ADAMTS12: variants seen among roughly 807,000 people sequenced by gnomAD.
ADAMTS12 encodes the protein A disintegrin and metalloproteinase with thrombospondin motifs 12.
Under a neutral mutation model 167.8 loss-of-function variants are expected in ADAMTS12, and 118 were observed. The ratio of observed to expected loss-of-function variants is 0.70; its 90% confidence interval spans 0.61 to 0.82. The LOEUF (loss-of-function observed/expected upper bound fraction) is 0.82, where lower values mean the gene tolerates loss of function less well. Among genes scored for constraint, ADAMTS12 ranks in the 40% least tolerant of loss-of-function variants. ADAMTS12 has a pLI of 0.00. For synonymous variants in ADAMTS12, 704 were observed against 716.9 expected (o/e 0.98, Z 0.29); for missense variants, 1,916 against 1,998.8 (o/e 0.96, Z 0.79).
At chr5:33,570,218 A>G (rs555428206) in intron 19 of ADAMTS12, among the ~76,000 whole-genome samples, 2 of 152,340 alleles carry the variant, frequency 1.3e-5, no homozygotes, top group African/African-American at 4.8e-5. Context: ...AAGGCAGGCC[A>G]ACAATCAGAT....
chr5:33,672,191 TCACATACACACACACCCC>T (rs1387618644), intron 5 of ADAMTS12, among the ~76,000 whole-genome samples: 1 of 127,812 alleles, frequency 7.8e-6, no homozygotes, highest in East Asian at 2.4e-4. Context: ...ATCCACATAC[TCACATACACACACACCCC>T]CACATACATA....
intron 2 of ADAMTS12, among the ~76,000 whole-genome samples, chr5:33,804,997 A>C (rs1747167372): frequency 6.6e-6 from 1 of 152,228 alleles, no homozygotes; most frequent in Admixed American, 6.5e-5. Context: ...ACAAACAAAC[A>C]ATGTCTGACT....
At chr5:33,647,158 A>C (rs1472149164) in intron 9 of ADAMTS12, among the ~76,000 whole-genome samples, 1 of 152,208 alleles carries the variant, frequency 6.6e-6, no homozygotes, top group African/African-American at 2.4e-5. Flanking sequence ...GGGCTAAAAC[A>C]ATATTCTAAA....
chr5:33,662,155 T>A, intron 5 of ADAMTS12, 115 bp from the exon 6 acceptor site: 1 of 1,373,020 alleles, frequency 7.3e-7, no homozygotes, highest in East Asian at 2.4e-5. Flanking sequence ...GGTGGGTGCA[T>A]CAGACATTTG....
chr5:33,558,148 A>G (rs1260829313), intron 20 of ADAMTS12, among the ~76,000 whole-genome samples: 3 of 152,004 alleles, frequency 2.0e-5, no homozygotes, highest in East Asian at 3.9e-4. Flanking sequence ...TCATCCCAAA[A>G]CCATTCCCCC....
chr5:33,563,992 G>A (rs1353805508), intron 19 of ADAMTS12, among the ~76,000 whole-genome samples: 2 of 152,170 alleles, frequency 1.3e-5, no homozygotes, highest in Admixed American at 6.5e-5. Context: ...CTGGCTTCAA[G>A]GTTTACACCT....
In ADAMTS12 at chr5:33,789,716, C is replaced by T. The variant is rs148198483; in HGVS notation, c.490-38168G>A. 2.4e-3 allele frequency among the ~76,000 whole-genome samples: 366 copies of T among 152,242 alleles called. 2 individuals are homozygous for T. Among genetic ancestry groups the T allele is most frequent in the African/African-American group, 8.5e-3 (353 of 41,554 alleles). On this transcript the variant is annotated intron_variant, in intron 2 of 23. Coordinates refer to ENST00000504830, the MANE Select transcript of ADAMTS12 (RefSeq NM_030955.4). ...CTTGGCACTTCAGAGCTGTGGCTGG[C>T]TTTTCTTTAATTTTGAAATTACTTA...
intron 18 of ADAMTS12, among the ~76,000 whole-genome samples, chr5:33,584,097 G>A (rs1243625354): frequency 3.9e-5 from 6 of 152,166 alleles, no homozygotes; most frequent in South Asian, 2.1e-4. Context: ...TCCTGGCTCC[G>A]TGGTTTAGTG....
intron 3 of ADAMTS12, among the ~76,000 whole-genome samples, chr5:33,707,485 A>G (rs1178166820): frequency 6.6e-6 from 1 of 152,116 alleles, no homozygotes. Flanking sequence ...AAAAGAACCC[A>G]TATAGCCAAG....
intron 13 of ADAMTS12, among the ~76,000 whole-genome samples, chr5:33,628,812 G>T (rs1739783754): frequency 6.6e-6 from 1 of 152,052 alleles, no homozygotes; most frequent in Admixed American, 6.6e-5. Context: ...CATTTTTTCA[G>T]CTTAAAAACT....
intron 2 of ADAMTS12, among the ~76,000 whole-genome samples, chr5:33,756,824 A>G (rs1359693364): frequency 6.6e-6 from 1 of 152,212 alleles, no homozygotes; most frequent in Non-Finnish European, 1.5e-5. Flanking sequence ...GCAACACAAC[A>G]GAGCTGGTCC....
At chr5:33,691,078 C>T (rs1484556320) in intron 3 of ADAMTS12, among the ~76,000 whole-genome samples, 1 of 152,182 alleles carries the variant, frequency 6.6e-6, no homozygotes, top group Non-Finnish European at 1.5e-5. Context: ...CAAGCCTCCA[C>T]AAAACATTTC....
intron 3 of ADAMTS12, among the ~76,000 whole-genome samples, chr5:33,698,627 C>CGCATTTCCCCAATAGGT (rs1554035946): frequency 7.3e-5 from 11 of 151,574 alleles, no homozygotes; most frequent in Admixed American, 4.6e-4. Context: ...TATCACTAGC[C>CGCATTTCCCCAATAGGT]CCATTACATT....
chr5:33,552,318 G>A lies in ADAMTS12; in HGVS notation c.4126-2935C>T, dbSNP rs923062104. ...ACAGACCAACTCCATCTATGACCCT[G>A]GCATCAAGTGGCTATGTGACTGCAG... On this transcript the variant is annotated intron_variant, in intron 20 of 23. Transcript: ENST00000504830. Among the ~76,000 whole-genome samples the A allele has an allele frequency of 3.9e-5, 6 of 152,096 alleles. No homozygotes were observed. In the South Asian group the frequency reaches 1.2e-3, roughly 32 times the overall value.
Position 33,576,619 on chromosome 5 carries a change from A to G in ADAMTS12, c.3407T>C (p.Ile1136Thr). 1 of 1,614,156 alleles carries G rather than the reference A, an allele frequency of 6.2e-7. No homozygotes were observed. The highest frequency in any genetic ancestry group is 8.5e-7 in the Non-Finnish European group (1 of 1,180,026). Residue 1136 changes from isoleucine (I) to threonine (T), a missense_variant, in exon 19 of 24, where the codon ATC becomes ACC. By Grantham distance (89) the Ile-to-Thr change is moderately conservative (BLOSUM62 -1). Coordinates refer to ENST00000504830, the MANE Select transcript of ADAMTS12 (RefSeq NM_030955.4). ...GSGLSSSRNP[I>T]TWPVTPFYNT... Reference sequence around the variant, plus strand: ...GTAAAATGGAGTCACAGGCCAAGTGATAGGGTTGCGGGAAGATGACAAGCC... The same window carrying G: ...GTAAAATGGAGTCACAGGCCAAGTGGTAGGGTTGCGGGAAGATGACAAGCC...
chr5:33,724,967 T>C (rs1255711129), intron 3 of ADAMTS12, among the ~76,000 whole-genome samples: 3 of 152,180 alleles, frequency 2.0e-5, no homozygotes, highest in Non-Finnish European at 4.4e-5. Context: ...TTATCCCTTA[T>C]AAGACCTGTC....
chr5:33,755,918 A>G (rs1435337455), intron 2 of ADAMTS12, among the ~76,000 whole-genome samples: 3 of 152,256 alleles, frequency 2.0e-5, no homozygotes, highest in Non-Finnish European at 4.4e-5. Flanking sequence ...AAGGTACCCA[A>G]TAGTATACGA....
intron 23 of ADAMTS12, among the ~76,000 whole-genome samples, chr5:33,530,320 A>G (rs1289413442): frequency 6.6e-6 from 1 of 152,186 alleles, no homozygotes; most frequent in East Asian, 1.9e-4. Context: ...TATCCCTTCC[A>G]GCTCTTCATC....
intron 16 of ADAMTS12, among the ~76,000 whole-genome samples, chr5:33,601,835 T>C (rs866676082): frequency 6.6e-6 from 1 of 152,332 alleles, no homozygotes; most frequent in Middle Eastern, 3.4e-3. Flanking sequence ...TTGACTGTCA[T>C]GATTACGGGT....
Sources: allele counts gnomAD v4.1 joint callset (sites outside exome capture counted in the v4.1 genomes callset), GRCh38; gene constraint gnomAD v4.1.1; transcripts MANE v1.5; gene names NCBI Gene and HGNC (gene_info 2026-07-23, HGNC 2026-07-21).